The following BCR variants were observed in gnomAD, a reference collection of about 807,000 sequenced individuals.
BCR encodes breakpoint cluster region protein.
In BCR, 58 loss-of-function variants were observed where a neutral mutation model predicts 138.6. The ratio of observed to expected loss-of-function variants is 0.42; its 90% CI spans 0.34 to 0.52. The LOEUF is 0.52. BCR is among the 20% of genes least tolerant of loss of function. The probability of loss-of-function intolerance (pLI) is 0.06; values close to 1 mark genes in which losing one functional copy is unlikely to be tolerated. For missense variants in BCR, 1,599 were observed against 1,727.2 expected, an observed-to-expected ratio of 0.93 and a Z score of 1.32; for synonymous variants, 786 against 730.1, an observed-to-expected ratio of 1.08 and a Z score of -1.23.
Position 23,181,782 on chromosome 22 carries a change from G to A in BCR, c.822G>A (p.Leu274=), listed in dbSNP as rs34437269. The stretch of plus-strand genomic sequence containing the variant: ...GTAGCAGGCCCCCTTGGCCGCCCCT[G>A]GAGTACCAGCCCTACCAGAGCATCT... The part of the protein sequence containing the change: ...NGGSRPPWPP[L]EYQPYQSIYV... Residue 274 remains leucine, a synonymous_variant, in exon 1 of 23, where the codon CTG becomes CTA. Coordinates refer to ENST00000305877, the MANE Select transcript of BCR (RefSeq NM_004327.4). The A allele has an allele frequency of 1.9e-3, 3,083 of 1,607,840 alleles. 53 individuals carry two copies. In the African/African-American group the frequency reaches 0.037, roughly 19 times the overall value.
intron 16 of BCR, among the ~76,000 whole-genome samples, chr22:23,304,316 T>C (rs1300886367): frequency 6.6e-6 from 1 of 152,112 alleles, no homozygotes; most frequent in Non-Finnish European, 1.5e-5. Flanking sequence ...ATTCTTCACA[T>C]TTCATAAACG....
At chr22:23,200,797 C>T (rs557789761) in intron 1 of BCR, among the ~76,000 whole-genome samples, 11 of 152,270 alleles carry the variant, frequency 7.2e-5, no homozygotes, top group Middle Eastern at 3.4e-3. Flanking sequence ...TGGGCTCAAG[C>T]GATCCACCCG....
intron 2 of BCR, among the ~76,000 whole-genome samples, chr22:23,258,454 A>T (rs187691388): frequency 6.6e-6 from 1 of 152,304 alleles, no homozygotes; most frequent in East Asian, 1.9e-4. Context: ...ATACCATGAC[A>T]TGCCTCCCTC....
intron 1 of BCR, among the ~76,000 whole-genome samples, chr22:23,187,886 C>T (rs2072366736): frequency 6.6e-6 from 1 of 152,220 alleles, no homozygotes; most frequent in African/African-American, 2.4e-5. Flanking sequence ...TGTGTTTCTT[C>T]ATGGACTTCA....
At chr22:23,264,578 C>T in intron 4 of BCR, 1 of 435,550 alleles carries the variant, frequency 2.3e-6, no homozygotes, top group Non-Finnish European at 4.2e-6. Flanking sequence ...AGAGGCAGGA[C>T]CTGCTGCTTT....
intron 1 of BCR, among the ~76,000 whole-genome samples, chr22:23,233,721 CG>C (rs1271816423): frequency 1.2e-4 from 18 of 146,426 alleles, no homozygotes; most frequent in Non-Finnish European, 2.4e-4. Context: ...ACCCAGGAGT[CG>C]GGGGTTGTTG....
Position 23,181,927 on chromosome 22 carries a change from G to A in BCR, c.967G>A (p.Asp323Asn), listed in dbSNP as rs2072271484. ...RRSYSPRSFE[D>N]CGGGYTPDCS... ...GTCCTACTCCCCCCGGAGTTTTGAG[G>A]ATTGCGGAGGCGGCTATACCCCGGA... Residue 323 changes from aspartate to asparagine, a missense_variant, in exon 1 of 23, where the codon GAT becomes AAT. By Grantham distance (23) the Asp-to-Asn change is conservative. Around this residue, in one of 4 missense-constraint regions of BCR, gnomAD observed 806 missense variants for 635.0 expected, o/e 1.27. Transcript: ENST00000305877. 2.5e-6 allele frequency: 4 copies of A among 1,613,218 alleles called. No homozygotes were observed. The highest frequency in any genetic ancestry group is 3.4e-6 in the Non-Finnish European group (4 of 1,179,934).
At chr22:23,184,093 T>G (rs1348126987) in intron 1 of BCR, among the ~76,000 whole-genome samples, 1 of 152,142 alleles carries the variant, frequency 6.6e-6, no homozygotes, top group Non-Finnish European at 1.5e-5. Context: ...GTTTTGTTTG[T>G]TTTTTGTTTT....
At chr22:23,284,649 G>A (rs545437143) in intron 9 of BCR, among the ~76,000 whole-genome samples, 146 of 152,320 alleles carry the variant, frequency 9.6e-4, no homozygotes, top group African/African-American at 3.4e-3. Flanking sequence ...TCCCCCATCT[G>A]TCAGGCGAGG....
At chr22:23,291,076 T>C (rs2073780742) in intron 14 of BCR, 1 of 152,646 alleles carries the variant, frequency 6.6e-6, no homozygotes, top group Non-Finnish European at 1.5e-5. Context: ...GGCTAGGCAG[T>C]GGGCACCTGT....
intron 4 of BCR, among the ~76,000 whole-genome samples, chr22:23,267,753 C>G (rs2073460423): frequency 1.3e-5 from 2 of 152,214 alleles, no homozygotes; most frequent in African/African-American, 4.8e-5. Context: ...GAGTGTGTGT[C>G]TGAGCTGGAG....
At chr22:23,285,222 G>GGCC in intron 10 of BCR, 21 bp downstream of exon 10, 2 of 1,600,688 alleles carry the variant, frequency 1.2e-6, no homozygotes, top group Non-Finnish European at 1.7e-6. Context: ...GGGGAGCAAG[G>GGCC]GCCGGGTTTG....
intron 1 of BCR, among the ~76,000 whole-genome samples, chr22:23,236,312 G>T (rs1185834465): frequency 6.6e-6 from 1 of 152,176 alleles, no homozygotes; most frequent in Non-Finnish European, 1.5e-5. Context: ...CCACCCTGCC[G>T]CACTCTATGA....
intron 4 of BCR, among the ~76,000 whole-genome samples, chr22:23,267,767 C>G (rs1362071520): frequency 6.6e-6 from 1 of 152,204 alleles, no homozygotes; most frequent in Non-Finnish European, 1.5e-5. Flanking sequence ...GCTGGAGGTG[C>G]AGTGAGGAGA....
intron 1 of BCR, among the ~76,000 whole-genome samples, chr22:23,197,479 T>A (rs2146206181): frequency 6.6e-6 from 1 of 152,370 alleles, no homozygotes; most frequent in East Asian, 1.9e-4. Flanking sequence ...TCTTTCCAAA[T>A]AGTTTCATTC....
intron 1 of BCR, among the ~76,000 whole-genome samples, chr22:23,188,898 A>C (rs910510799): frequency 6.6e-6 from 1 of 151,834 alleles, no homozygotes; most frequent in Non-Finnish European, 1.5e-5. Flanking sequence ...ACGGGGTCTC[A>C]CTCTGTCACC....
chr22:23,242,789 T>G (rs1164492870), intron 1 of BCR: 3 of 447,542 alleles, frequency 6.7e-6, no homozygotes, highest in East Asian at 7.1e-5. Flanking sequence ...CTTAGTGGCT[T>G]ACAACAACAA....
intron 8 of BCR, among the ~76,000 whole-genome samples, chr22:23,276,748 C>T (rs764653884): frequency 2.2e-4 from 33 of 152,350 alleles, no homozygotes; most frequent in African/African-American, 7.0e-4. Flanking sequence ...ACATCCACCT[C>T]GGTATCCCCT....
chr22:23,189,645 C>T (rs375937239), intron 1 of BCR, among the ~76,000 whole-genome samples: 49 of 152,158 alleles, frequency 3.2e-4, no homozygotes, highest in East Asian at 1.2e-3. Flanking sequence ...GGATTACAGG[C>T]GCCTGCCATC....
Sources: allele counts gnomAD v4.1 joint callset (sites outside exome capture counted in the v4.1 genomes callset), GRCh38; gene constraint gnomAD v4.1.1; regional missense constraint gnomAD v4.1.1; transcripts MANE v1.5; gene names NCBI Gene and HGNC (gene_info 2026-07-23, HGNC 2026-07-21).